GRID2: variants seen among roughly 807,000 people sequenced by gnomAD.
GRID2 encodes the protein glutamate ionotropic receptor delta type subunit 2.
Under a neutral mutation model 114.8 loss-of-function variants are expected in GRID2, and 33 were observed. The observed-to-expected ratio is 0.29, with a 90% CI of 0.22 to 0.38. The LOEUF is 0.38. GRID2 is among the 10% of genes least tolerant of loss of function. The pLI is 1.00. For missense variants in GRID2, 1,184 were observed against 1,257.7 expected, an observed-to-expected ratio of 0.94 and a Z score of 0.89; for synonymous variants, 505 against 449.9, an observed-to-expected ratio of 1.12 and a Z score of -1.55.
chr4:92,831,722 T>A (rs1742116441), intron 2 of GRID2, among the ~76,000 whole-genome samples: 2 of 151,934 alleles, frequency 1.3e-5, no homozygotes, highest in South Asian at 2.1e-4. Context: ...CTGGGGGTGG[T>A]GGTACATGCC....
intron 13 of GRID2, among the ~76,000 whole-genome samples, chr4:93,569,862 C>T (rs1247961810): frequency 3.3e-5 from 5 of 152,120 alleles, no homozygotes; most frequent in Admixed American, 1.3e-4. Flanking sequence ...CCTGACTACC[C>T]GATCTAACAT....
chr4:93,771,883 T>C (rs894581317), intron 15 of GRID2, among the ~76,000 whole-genome samples, 193 bp from the exon 16 acceptor site: 5 of 152,210 alleles, frequency 3.3e-5, no homozygotes, highest in African/African-American at 7.2e-5. Flanking sequence ...TTATTGTAGA[T>C]AATCTTATCT....
intron 8 of GRID2, among the ~76,000 whole-genome samples, chr4:93,303,483 C>T (rs569119049): frequency 6.6e-6 from 1 of 152,284 alleles, no homozygotes; most frequent in South Asian, 2.1e-4. Context: ...TGATATGCCA[C>T]TGTCCTTCGT....
chr4:92,444,963 C>T (rs80314766), intron 1 of GRID2, among the ~76,000 whole-genome samples: 2,596 of 151,998 alleles, frequency 0.017, 80 homozygotes, highest in African/African-American at 0.06. Context: ...AGTTTTGTCA[C>T]GTATGCCATA....
intron 2 of GRID2, among the ~76,000 whole-genome samples, chr4:92,935,776 A>G (rs1168853736): frequency 6.9e-6 from 1 of 145,722 alleles, no homozygotes; most frequent in Non-Finnish European, 1.5e-5. Context: ...TGAGTAAACT[A>G]TCGCAAGGAC....
intron 14 of GRID2, among the ~76,000 whole-genome samples, chr4:93,682,105 C>CG (rs1249901877): frequency 2.6e-5 from 4 of 151,878 alleles, no homozygotes; most frequent in Middle Eastern, 3.4e-3. Flanking sequence ...ACAACCCCAT[C>CG]AACAAGTGGG....
chr4:93,728,297 T>G lies in GRID2; in HGVS notation c.2361-40913T>G, dbSNP rs190362014. 6.5e-3 allele frequency among the ~76,000 whole-genome samples: 987 copies of G among 152,348 alleles called. 2 individuals are homozygous for G. The highest frequency in any genetic ancestry group is 0.02 in the South Asian group (99 of 4,830). ...CAGTTTCCATGTACTTGAGCAATTT[T>G]GAGTGAGTTTCTTAATCCTGAGTTC... On this transcript the variant is annotated intron_variant, in intron 14 of 15. Coordinates refer to ENST00000282020, the MANE Select transcript of GRID2 (RefSeq NM_001510.4).
intron 13 of GRID2, among the ~76,000 whole-genome samples, chr4:93,591,224 T>C (rs889627618): frequency 6.6e-5 from 10 of 151,490 alleles, no homozygotes; most frequent in South Asian, 2.1e-4. Flanking sequence ...TTTTGAAATA[T>C]GTCCCATCAA....
intron 2 of GRID2, among the ~76,000 whole-genome samples, chr4:92,938,345 T>G (rs1471031182): frequency 1.4e-5 from 2 of 146,746 alleles, no homozygotes; most frequent in Non-Finnish European, 3.0e-5. Flanking sequence ...TGGTTTTGTT[T>G]CACAAGAATT....
At chr4:93,179,167 T>C (rs367809992) in intron 4 of GRID2, among the ~76,000 whole-genome samples, 1 of 152,172 alleles carries the variant, frequency 6.6e-6, no homozygotes, top group East Asian at 1.9e-4. Context: ...TTGTTCAATC[T>C]GAAACCGTTG....
chr4:93,591,665 G>A lies in GRID2; in HGVS notation c.2194-34604G>A, dbSNP rs919800597. ...CCTCCTTGTACCTCTGGTAGAATTC[G>A]GCTGTGAATCCATCTGGTCCTGGAC... is the stretch of plus-strand genomic sequence containing the variant. On this transcript the variant is annotated intron_variant, in intron 13 of 15. Coordinates refer to ENST00000282020, the MANE Select transcript of GRID2 (RefSeq NM_001510.4). 6.6e-5 allele frequency among the ~76,000 whole-genome samples: 10 copies of A among 151,994 alleles called. No individual in the cohort carries two copies. The East Asian group carries it at 9.7e-4, about 15-fold the overall frequency.
At chr4:92,579,839 C>A (rs1728087717) in intron 1 of GRID2, among the ~76,000 whole-genome samples, 1 of 149,632 alleles carries the variant, frequency 6.7e-6, no homozygotes, top group African/African-American at 2.4e-5. Context: ...ATTGATTTTT[C>A]TTAAGTAATT....
chr4:93,544,785 A>G (rs947259594), intron 13 of GRID2, among the ~76,000 whole-genome samples: 28 of 151,604 alleles, frequency 1.8e-4, no homozygotes, highest in Non-Finnish European at 3.5e-4. Context: ...CTGGAAAAAA[A>G]AAAAAAGAAA....
chr4:93,784,582 T>C (rs1734553758), intron 1 of GRID2, among the ~76,000 whole-genome samples: 1 of 151,048 alleles, frequency 6.6e-6, no homozygotes, highest in African/African-American at 2.4e-5. Flanking sequence ...AGACAGAAGA[T>C]GGAAAAAAAA....
intron 11 of GRID2, among the ~76,000 whole-genome samples, chr4:93,456,749 A>T (rs1723241949): frequency 6.6e-6 from 1 of 152,160 alleles, no homozygotes; most frequent in Non-Finnish European, 1.5e-5. Context: ...GAGACATTAT[A>T]CTTTTGTGCT....
intron 10 of GRID2, among the ~76,000 whole-genome samples, chr4:93,448,596 T>C (rs1722317285): frequency 6.6e-6 from 1 of 151,838 alleles, no homozygotes. Context: ...CTCATCAAAA[T>C]ACAATAAAAC....
At chr4:93,032,641 T>A (rs1158900328) in intron 2 of GRID2, among the ~76,000 whole-genome samples, 3 of 152,200 alleles carry the variant, frequency 2.0e-5, no homozygotes, top group Non-Finnish European at 4.4e-5. Context: ...TGCAAAGCAA[T>A]CCAATGCATT....
Position 92,759,481 on chromosome 4 carries a change from G to A in GRID2, c.244+169195G>A, listed in dbSNP as rs144703594. ...CAATACTTTTCATTCACTGATGAGC[G>A]CTCCACTTTGTAAATATCTTGTGCT... On this transcript the variant is annotated intron_variant, in intron 2 of 15. Transcript: ENST00000282020. Among the ~76,000 whole-genome samples, 527 of 151,954 alleles carry A rather than the reference G, an allele frequency of 3.5e-3. 1 individual carries two copies. Among genetic ancestry groups the A allele is most frequent in the Non-Finnish European group, 6.0e-3 (407 of 67,976 alleles).
rs531557423 is a variant in GRID2, at chr4:93,216,680, G to A, written c.790-58G>A. 259 of 1,110,096 alleles carry A rather than the reference G, an allele frequency of 2.3e-4. No individual in the cohort carries two copies. In the African/African-American group the frequency reaches 3.7e-3, roughly 16 times the overall value. 68.8% of individuals were successfully genotyped at this position (1,110,096 alleles called of 1,614,324 possible). Reference sequence around the variant, plus strand: ...ATTTACAGATAACAACTCATAATAGGTTTGTGTTTTGTGACTGTATTAAAG... The same window carrying A: ...ATTTACAGATAACAACTCATAATAGATTTGTGTTTTGTGACTGTATTAAAG... On this transcript the variant is annotated intron_variant, in intron 5 of 15. Coordinates refer to ENST00000282020, the MANE Select transcript of GRID2 (RefSeq NM_001510.4).
Sources: gnomAD v4.1 joint callset for allele counts (sites outside exome capture counted in the v4.1 genomes callset) on GRCh38, gnomAD v4.1.1 for gene constraint, MANE v1.5 for transcripts, NCBI Gene and HGNC (gene_info 2026-07-23, HGNC 2026-07-21) for gene names.